The following STK33 variants were observed in gnomAD, a reference collection of about 807,000 sequenced individuals.
The protein encoded by STK33 is serine/threonine-protein kinase 33.
A neutral mutation model predicts 58.0 loss-of-function variants in STK33; 52 were observed. That is an observed-to-expected ratio of 0.90 (90% CI 0.72 to 1.13). The LOEUF is 1.13. Among genes scored for constraint, STK33 ranks in the 50% most tolerant of loss-of-function variants. The probability of loss-of-function intolerance (pLI) is 0.00; values close to 1 mark genes in which losing one functional copy is unlikely to be tolerated. For missense variants in STK33, 630 were observed against 604.2 expected, an observed-to-expected ratio of 1.04 and a Z score of -0.45; for synonymous variants, 215 against 200.1, an observed-to-expected ratio of 1.07 and a Z score of -0.63.
chr11:8,336,922 G>T, the STK33 span, among the ~76,000 whole-genome samples: 1 of 152,240 alleles, frequency 6.6e-6, no homozygotes, highest in Non-Finnish European at 1.5e-5. Flanking sequence ...AGGATCTCCT[G>T]CACCACCGTG....
intron 1 of STK33, among the ~76,000 whole-genome samples, chr11:8,481,180 T>G (rs1322013001): frequency 6.6e-6 from 1 of 152,152 alleles, no homozygotes; most frequent in Non-Finnish European, 1.5e-5. Context: ...TTTCAAGGGT[T>G]GAAAGCACAA....
chr11:8,472,692 TTTAA>T (rs1393742997), intron 6 of STK33, among the ~76,000 whole-genome samples: 2 of 152,246 alleles, frequency 1.3e-5, no homozygotes, highest in African/African-American at 4.8e-5. Context: ...TGTTCTAACA[TTTAA>T]TTCTTATTTT....
intron 1 of STK33, among the ~76,000 whole-genome samples, chr11:8,504,804 A>G (rs1203578715): frequency 6.6e-6 from 1 of 152,148 alleles, no homozygotes; most frequent in Non-Finnish European, 1.5e-5. Context: ...TCCCTAAAAA[A>G]AAGGAAAATA....
intron 1 of STK33, among the ~76,000 whole-genome samples, chr11:8,556,061 G>A (rs1355283323): frequency 1.3e-5 from 2 of 152,162 alleles, no homozygotes; most frequent in Non-Finnish European, 2.9e-5. Context: ...GTAAGTGAAG[G>A]TGGGCACATA....
chr11:8,468,466 T>C (rs911104436), intron 6 of STK33, among the ~76,000 whole-genome samples: 2 of 152,216 alleles, frequency 1.3e-5, no homozygotes, highest in African/African-American at 4.8e-5. Flanking sequence ...AACGCCCAAC[T>C]AATTACTCAC....
chr11:8,392,525 G>C lies in STK33; in HGVS notation c.1530C>G (p.Thr510=). ...GGAGGGAACCTTAGAGTTTCTTTTT[G>C]GTTCTGGACAGGGCGCCGGATTTAG... The part of the protein sequence containing the change: ...YPAKSGALSR[T]KKKL The change falls in exon 16 of 16, where the codon ACC becomes ACG. Residue 510 remains threonine, a synonymous_variant. Coordinates refer to ENST00000687296, the MANE Select transcript of STK33 (RefSeq NM_001352389.2). 1 of 1,614,020 alleles carries C rather than the reference G, an allele frequency of 6.2e-7. No homozygotes were observed.
At chr11:8,359,551 G>C in the STK33 span, among the ~76,000 whole-genome samples, 1,165 of 152,348 alleles carry the variant, frequency 7.6e-3, 4 homozygotes, top group Non-Finnish European at 0.014. Flanking sequence ...GGTGGTCCGG[G>C]CAAGGCTTGC....
chr11:8,439,653 T>G (rs1944469986), intron 12 of STK33, among the ~76,000 whole-genome samples: 1 of 151,076 alleles, frequency 6.6e-6, no homozygotes, highest in South Asian at 2.1e-4. Context: ...TGACACAGGG[T>G]GTGTCCGAGT....
At position 8,540,349 on chromosome 11, in the gene STK33, G is replaced by T. The variant is rs998451921; in HGVS notation, c.-466+53734C>A. The stretch of plus-strand genomic sequence containing the variant: ...AAAAAAATGTAATTATCCAGGTATG[G>T]CGGGGTGTACTTGTAGTTCTAGTTT... On this transcript the variant is annotated intron_variant, in intron 1 of 15. Transcript: ENST00000687296. Among the ~76,000 whole-genome samples, 5 of 152,068 alleles carry T rather than the reference G, an allele frequency of 3.3e-5. No individual in the cohort carries two copies. The South Asian group carries it at 1.0e-3, about 32-fold the overall frequency.
At chr11:8,522,736 C>T (rs537948390) in intron 1 of STK33, among the ~76,000 whole-genome samples, 4 of 152,104 alleles carry the variant, frequency 2.6e-5, no homozygotes, top group Admixed American at 1.3e-4. Flanking sequence ...ATCTATAAAA[C>T]GGGAAAAAGC....
chr11:8,349,833 G>C, the STK33 span, among the ~76,000 whole-genome samples: 1 of 152,192 alleles, frequency 6.6e-6, no homozygotes, highest in Non-Finnish European at 1.5e-5. Context: ...CACCAGCTTG[G>C]CTTCTTCCCC....
At chr11:8,372,300 G>C in the STK33 span, among the ~76,000 whole-genome samples, 2 of 152,142 alleles carry the variant, frequency 1.3e-5, no homozygotes, top group Non-Finnish European at 2.9e-5. Flanking sequence ...GGCCTTACAA[G>C]GTCTCACTCT....
chr11:8,524,702 C>T (rs1953877840), intron 1 of STK33, among the ~76,000 whole-genome samples: 1 of 152,024 alleles, frequency 6.6e-6, no homozygotes, highest in Non-Finnish European at 1.5e-5. Flanking sequence ...AATCAATTCA[C>T]CTATTTTGGT....
chr11:8,350,248 G>C, the STK33 span, among the ~76,000 whole-genome samples: 1 of 152,222 alleles, frequency 6.6e-6, no homozygotes, highest in Non-Finnish European at 1.5e-5. Flanking sequence ...TGGGATGCAG[G>C]GGCAGGAGCA....
the STK33 span, among the ~76,000 whole-genome samples, chr11:8,335,130 C>A: frequency 6.6e-6 from 1 of 152,186 alleles, no homozygotes; most frequent in Non-Finnish European, 1.5e-5. Flanking sequence ...GGGGTGGAGA[C>A]CGCAGCCTGC....
intron 1 of STK33, among the ~76,000 whole-genome samples, chr11:8,539,120 G>A (rs1041915264): frequency 4.0e-5 from 6 of 151,780 alleles, no homozygotes; most frequent in African/African-American, 1.5e-4. Context: ...TACACAACCT[G>A]TAAAGTTTAC....
chr11:8,531,682 G>C (rs1161906228), intron 1 of STK33, among the ~76,000 whole-genome samples: 1 of 152,102 alleles, frequency 6.6e-6, no homozygotes, highest in Non-Finnish European at 1.5e-5. Flanking sequence ...CACAGAACCG[G>C]GAAAAAGCTG....
chr11:8,531,767 C>G (rs572675198), intron 1 of STK33, among the ~76,000 whole-genome samples: 6 of 152,192 alleles, frequency 3.9e-5, no homozygotes, highest in Non-Finnish European at 7.3e-5. Flanking sequence ...CAGTCATAAG[C>G]CTGCCTAGAC....
rs188092010 is a variant in STK33 at position 8,530,906 on chromosome 11, G to A, written c.-465-50292C>T. ...GGGTTTTGCCATGTTGGCCAGGCTC[G>A]TCTTGAGCTCCTGACCTCAGATGAT... On this transcript the variant is annotated intron_variant, in intron 1 of 15. Coordinates refer to ENST00000687296, the MANE Select transcript of STK33 (RefSeq NM_001352389.2). 1.8e-3 allele frequency among the ~76,000 whole-genome samples: 275 copies of A among 149,764 alleles called. 1 individual carries two copies. Among genetic ancestry groups the A allele is most frequent in the Middle Eastern group, 6.9e-3 (2 of 288 alleles).
Sources: gnomAD v4.1 joint callset for allele counts (sites outside exome capture counted in the v4.1 genomes callset) on GRCh38, gnomAD v4.1.1 for gene constraint, MANE v1.5 for transcripts, NCBI Gene and HGNC (gene_info 2026-07-23, HGNC 2026-07-21) for gene names.